The following CDH13 variants were observed in gnomAD, a reference collection of about 807,000 sequenced individuals.
The protein encoded by CDH13 is cadherin-13.
Under a neutral mutation model 63.8 loss-of-function variants are expected in CDH13, and 24 were observed. That is an observed-to-expected ratio of 0.38 (90% CI 0.27 to 0.53). The LOEUF (loss-of-function observed/expected upper bound fraction) is 0.53. CDH13 is among the 20% of genes least tolerant of loss of function. The pLI, the probability that CDH13 is intolerant of heterozygous loss-of-function variation, is 0.85. For missense variants in CDH13, 1,049 were observed against 903.1 expected, an observed-to-expected ratio of 1.16 and a Z score of -2.07; for synonymous variants, 503 against 355.3, an observed-to-expected ratio of 1.42 and a Z score of -4.67.
At chr16:82,749,963 A>G (rs1337199964) in intron 1 of CDH13, among the ~76,000 whole-genome samples, 1 of 152,132 alleles carries the variant, frequency 6.6e-6, no homozygotes, top group East Asian at 1.9e-4. Flanking sequence ...AGGCAAGTCG[A>G]TTTTTGTTTA....
Position 83,372,876 on chromosome 16 carries a change from T to C in CDH13, c.781+27870T>C, listed in dbSNP as rs181131787. 7.9e-5 allele frequency among the ~76,000 whole-genome samples: 12 copies of C among 152,162 alleles called. No homozygotes were observed. The East Asian group carries it at 1.2e-3, about 15-fold the overall frequency. On this transcript the variant is annotated intron_variant, in intron 6 of 13. Coordinates refer to ENST00000567109, the MANE Select transcript of CDH13 (RefSeq NM_001257.5). ...AGTGATGGCGTTAAACTGTGCTAAG[T>C]TGACAAAACACAGAATCCTCACTGC...
At chr16:83,082,631 A>G (rs1421240304) in intron 3 of CDH13, among the ~76,000 whole-genome samples, 1 of 152,148 alleles carries the variant, frequency 6.6e-6, no homozygotes, top group East Asian at 1.9e-4. Context: ...GCAACAAGAC[A>G]AGACTGTCTC....
chr16:83,122,438 C>G lies in CDH13; in HGVS notation c.367-2947C>G, dbSNP rs770948644. 6.0e-4 allele frequency among the ~76,000 whole-genome samples: 91 copies of G among 152,162 alleles called. 3 individuals carry two copies. Among genetic ancestry groups the G allele is most frequent in the Non-Finnish European group, 1.6e-4 (11 of 68,032 alleles). On this transcript the variant is annotated intron_variant, in intron 3 of 13. Coordinates refer to ENST00000567109, the MANE Select transcript of CDH13 (RefSeq NM_001257.5). ...CATTTAATTAAAAATATGAGTTACG[C>G]ATAGAGCAAACACCCTGACAGTGTC... is the stretch of plus-strand genomic sequence containing the variant.
Position 83,002,240 on chromosome 16 carries a change from C to T in CDH13, c.158-29770C>T, listed in dbSNP as rs149261643. ...GGATTATCTGGGTGAGCCCTAAATC[C>T]ATTGACATGTGTGCTTTTAAGAGAC... On this transcript the variant is annotated intron_variant, in intron 2 of 13. Transcript: ENST00000567109. Among the ~76,000 whole-genome samples the T allele has an allele frequency of 2.4e-3, 366 of 152,262 alleles. 1 individual carries two copies. Among genetic ancestry groups the T allele is most frequent in the Non-Finnish European group, 4.4e-3 (296 of 68,026 alleles).
At chr16:82,852,760 A>C (rs935005007) in intron 1 of CDH13, among the ~76,000 whole-genome samples, 4 of 152,190 alleles carry the variant, frequency 2.6e-5, no homozygotes, top group African/African-American at 9.6e-5. Context: ...TGGTGCTGAG[A>C]AGGAAAGCTT....
At chr16:83,267,181 C>G (rs1404116381) in intron 5 of CDH13, among the ~76,000 whole-genome samples, 1 of 152,150 alleles carries the variant, frequency 6.6e-6, no homozygotes, top group Non-Finnish European at 1.5e-5. Flanking sequence ...AACCCCAACC[C>G]AACTGTTGTA....
chr16:83,591,585 C>G (rs1480069992), intron 7 of CDH13, among the ~76,000 whole-genome samples: 1 of 152,182 alleles, frequency 6.6e-6, no homozygotes, highest in Non-Finnish European at 1.5e-5. Context: ...CTGTTGCAGC[C>G]TGATGTCTCC....
At position 83,271,422 on chromosome 16, in the gene CDH13, T is replaced by TTAAAAAAAAAAAAAAAA; in HGVS notation, c.636+53925_636+53926insTAAAAAAAAAAAAAAAA. 4.8e-3 allele frequency among the ~76,000 whole-genome samples: 126 copies of TTAAAAAAAAAAAAAAAA among 26,026 alleles called. 27 individuals are homozygous for TTAAAAAAAAAAAAAAAA. The highest frequency in any genetic ancestry group is 7.7e-3 in the East Asian group (8 of 1,044). The allele number at this position is 26,026 out of a possible 152,430, so 17.1% of individuals were successfully genotyped here. On this transcript the variant is annotated intron_variant, in intron 5 of 13. Coordinates refer to ENST00000567109, the MANE Select transcript of CDH13 (RefSeq NM_001257.5). ...CTACCGCACATTGAGGCAGAGTTCA[T>TTAAAAAAAAAAAAAAAA]AAAAAAAAAAAAAAAAAAAAAAAAA...
intron 2 of CDH13, among the ~76,000 whole-genome samples, chr16:82,976,656 G>T (rs1909552255): frequency 6.6e-6 from 1 of 152,164 alleles, no homozygotes; most frequent in African/African-American, 2.4e-5. Context: ...TGCAAATGGT[G>T]GAGAATGTAG....
At chr16:83,115,243 C>G (rs1445554051) in intron 3 of CDH13, among the ~76,000 whole-genome samples, 1 of 152,178 alleles carries the variant, frequency 6.6e-6, no homozygotes, top group African/African-American at 2.4e-5. Flanking sequence ...TCTTTTACAT[C>G]TTTTAACTTC....
intron 1 of CDH13, among the ~76,000 whole-genome samples, chr16:82,801,158 C>G (rs2036837205): frequency 6.6e-6 from 1 of 152,152 alleles, no homozygotes. Flanking sequence ...GGCTTCCTAA[C>G]CTCTCAGACT....
chr16:83,440,821 TCCTGGTGCCCTTCTAGAACTACCA>T (rs2072460004), intron 6 of CDH13, among the ~76,000 whole-genome samples: 3 of 148,728 alleles, frequency 2.0e-5, no homozygotes, highest in African/African-American at 7.4e-5. Context: ...GGGAGATTAA[TCCTGGTGCCCTTCTAGAACTACCA>T]CCTGGCCTTT....
intron 2 of CDH13, among the ~76,000 whole-genome samples, chr16:83,027,955 C>A (rs560576500): frequency 2.0e-5 from 3 of 152,160 alleles, no homozygotes; most frequent in Non-Finnish European, 2.9e-5. Flanking sequence ...ACATTATAAC[C>A]TCAGCATCTA....
intron 6 of CDH13, among the ~76,000 whole-genome samples, chr16:83,407,510 G>GA (rs763342379): frequency 2.6e-5 from 4 of 151,964 alleles, no homozygotes; most frequent in East Asian, 1.9e-4. Flanking sequence ...CTCTAGCTCA[G>GA]AAAAAAAATT....
At chr16:83,645,844 C>A (rs1280887536) in intron 8 of CDH13, among the ~76,000 whole-genome samples, 1 of 152,016 alleles carries the variant, frequency 6.6e-6, no homozygotes, top group Non-Finnish European at 1.5e-5. Context: ...AGTGGAAATA[C>A]TAAAAAAGTC....
intron 6 of CDH13, among the ~76,000 whole-genome samples, chr16:83,467,808 A>G (rs1360942215): frequency 6.6e-6 from 1 of 152,166 alleles, no homozygotes; most frequent in South Asian, 2.1e-4. Context: ...CCCACTAACC[A>G]AACAAGGACA....
intron 1 of CDH13, among the ~76,000 whole-genome samples, chr16:82,679,825 G>C (rs1002610177): frequency 6.6e-6 from 1 of 152,178 alleles, no homozygotes; most frequent in Non-Finnish European, 1.5e-5. Context: ...AATGGGTTTG[G>C]ATCTGATTTT....
intron 3 of CDH13, among the ~76,000 whole-genome samples, chr16:83,109,007 G>T (rs2034929220): frequency 6.6e-6 from 1 of 151,950 alleles, no homozygotes; most frequent in Non-Finnish European, 1.5e-5. Flanking sequence ...TTCCTGGGAT[G>T]ACCCACCAAT....
At chr16:82,742,253 A>G (rs2033965443) in intron 1 of CDH13, among the ~76,000 whole-genome samples, 1 of 152,220 alleles carries the variant, frequency 6.6e-6, no homozygotes, top group Non-Finnish European at 1.5e-5. Context: ...AAAGAAATAC[A>G]GGAAAATATT....
Sources: gnomAD v4.1 joint callset for allele counts (sites outside exome capture counted in the v4.1 genomes callset) on GRCh38, gnomAD v4.1.1 for gene constraint, MANE v1.5 for transcripts, NCBI Gene and HGNC (gene_info 2026-07-23, HGNC 2026-07-21) for gene names.